Variants in TBC1D8 observed in about 807,000 individuals in gnomAD.
TBC1D8 encodes TBC1 domain family member 8, also known as BUB2-like protein 1.
A neutral mutation model predicts 118.8 loss-of-function variants in TBC1D8; 65 were observed. The observed-to-expected ratio is 0.55, with a 90% confidence interval of 0.45 to 0.67. The LOEUF is 0.67. Ranked by LOEUF, TBC1D8 falls within the 30% of genes least tolerant of loss-of-function variation. TBC1D8 has a pLI of 0.00. For missense variants in TBC1D8, 1,376 were observed against 1,471.2 expected (o/e 0.94, Z 1.06); for synonymous variants, 566 against 595.8 (o/e 0.95, Z 0.73).
At chr2:101,018,402 A>G (rs935701956) in intron 17 of TBC1D8, 2 of 157,118 alleles carry the variant, frequency 1.3e-5, no homozygotes, top group Non-Finnish European at 2.8e-5. Context: ...CCAACTGCAA[A>G]TTGGAATTAT....
At chr2:101,032,066 G>T (rs1208586585) in intron 11 of TBC1D8, among the ~76,000 whole-genome samples, 1 of 152,204 alleles carries the variant, frequency 6.6e-6, no homozygotes, top group Non-Finnish European at 1.5e-5. Context: ...ATGTGTTTGA[G>T]TTTCTTTATT....
Position 101,028,112 on chromosome 2 carries a change from T to TG in TBC1D8, c.2386dup (p.His796ProfsTer35), listed in dbSNP as rs1242594440. On this transcript the variant is annotated frameshift_variant, in exon 14 of 20. Transcript: ENST00000409318. LOFTEE classifies it high-confidence loss of function. Reference sequence around the variant, plus strand: ...CCTGATCCTGTGCTTGTAACGTAGGTGCTCGATCTGCTCCACAGACTGGTC... The same window carrying TG: ...CCTGATCCTGTGCTTGTAACGTAGGTGGCTCGATCTGCTCCACAGACTGGTC... 1 of 1,613,896 alleles carries TG rather than the reference T, an allele frequency of 6.2e-7. No homozygotes were observed. The highest frequency in any genetic ancestry group is 2.2e-5 in the East Asian group (1 of 44,868).
rs552431699 is a variant in TBC1D8, at chr2:101,079,622, CA to C, written c.283+10586del. Among the ~76,000 whole-genome samples the C allele has an allele frequency of 9.2e-5, 14 of 151,360 alleles. 1 individual carries two copies. Among genetic ancestry groups the C allele is most frequent in the Middle Eastern group, 3.4e-3 (1 of 292 alleles). On this transcript the variant is annotated intron_variant, in intron 2 of 19. Transcript: ENST00000409318. Reference sequence around the variant, plus strand: ...AACTCTTGGCCTCAAGTGACCCTTCCACCTCAGCCTCTCAAAGTGCTGGAAT... The same window carrying C: ...AACTCTTGGCCTCAAGTGACCCTTCCCCTCAGCCTCTCAAAGTGCTGGAAT...
intron 15 of TBC1D8, chr2:101,023,742 G>T (rs2105378962): frequency 6.0e-6 from 2 of 331,706 alleles, no homozygotes; most frequent in South Asian, 2.4e-5. Flanking sequence ...CATACTAAAT[G>T]ACTACATCAT....
intron 17 of TBC1D8, chr2:101,018,209 C>T (rs1427042929): frequency 6.8e-6 from 2 of 295,300 alleles, no homozygotes. Flanking sequence ...ATAACACTGA[C>T]TAAACATCAC....
At chr2:101,088,080 T>C (rs530647046) in intron 2 of TBC1D8, among the ~76,000 whole-genome samples, 6 of 152,354 alleles carry the variant, frequency 3.9e-5, no homozygotes, top group African/African-American at 1.4e-4. Flanking sequence ...ACTTTTGTTA[T>C]AAAACCACTG....
chr2:101,050,984 T>C (rs1682035482), intron 4 of TBC1D8, among the ~76,000 whole-genome samples: 1 of 152,192 alleles, frequency 6.6e-6, no homozygotes, highest in Non-Finnish European at 1.5e-5. Context: ...ATCATTTAGC[T>C]CCCACTTCTA....
At chr2:101,050,257 G>A (rs775432434) in intron 5 of TBC1D8, 144 bp downstream of exon 5, 65 of 1,216,740 alleles carry the variant, frequency 5.3e-5, no homozygotes, top group African/African-American at 1.1e-4. Context: ...CGAGATTAAC[G>A]ACATACAAAA....
Position 101,022,356 on chromosome 2 carries a change from C to G in TBC1D8, c.2686G>C (p.Ala896Pro), listed in dbSNP as rs572578268. The G allele has an allele frequency of 1.4e-5, 23 of 1,612,304 alleles. No homozygotes were observed. Among genetic ancestry groups the G allele is most frequent in the Non-Finnish European group, 1.9e-5 (23 of 1,179,506 alleles). Residue 896 changes from alanine (A) to proline (P), a missense_variant, in exon 16 of 20, where the codon GCC (alanine) becomes CCC (proline). Ala to Pro is a conservative substitution (Grantham distance 27, BLOSUM62 -1). Coordinates refer to ENST00000409318, the MANE Select transcript of TBC1D8 (RefSeq NM_001330348.2). Reference sequence around the variant, plus strand: ...TCCAAGAGCCTGAACGTCCTTTCGGCGAGGATCTCCGTGTGGGCCCCGCAG... The same window carrying G: ...TCCAAGAGCCTGAACGTCCTTTCGGGGAGGATCTCCGTGTGGGCCCCGCAG... ...WTCGAHTEIL[A>P]ERTFRLLDDN...
At chr2:101,022,230 C>T in intron 16 of TBC1D8, 51 bp downstream of exon 16, 6 of 1,610,816 alleles carry the variant, frequency 3.7e-6, no homozygotes, top group Non-Finnish European at 5.1e-6. Flanking sequence ...GTGTTCTGCT[C>T]ACAGACCCAC....
intron 1 of TBC1D8, among the ~76,000 whole-genome samples, chr2:101,137,941 TAAAGA>T (rs1678928579): frequency 6.6e-6 from 1 of 152,176 alleles, no homozygotes; most frequent in African/African-American, 2.4e-5. Flanking sequence ...GGGTAATTTC[TAAAGA>T]AAAGAGGTTT....
intron 2 of TBC1D8, among the ~76,000 whole-genome samples, chr2:101,062,315 A>C (rs1212676287): frequency 1.3e-5 from 2 of 152,198 alleles, no homozygotes; most frequent in East Asian, 3.8e-4. Context: ...GAAAAAAAAA[A>C]AACAAGTGAA....
At chr2:101,087,223 G>A (rs562070580) in intron 2 of TBC1D8, among the ~76,000 whole-genome samples, 3 of 152,318 alleles carry the variant, frequency 2.0e-5, no homozygotes, top group Admixed American at 1.3e-4. Context: ...CCCAGCCAAA[G>A]TGTCACTCAA....
intron 2 of TBC1D8, among the ~76,000 whole-genome samples, chr2:101,078,788 A>T (rs1052028101): frequency 2.7e-5 from 4 of 149,692 alleles, no homozygotes; most frequent in Non-Finnish European, 4.4e-5. Context: ...ACAAATATGG[A>T]TAACTAACTC....
rs369998854 is a variant in TBC1D8, at chr2:101,008,553, G to A, written c.3016-280C>T. Among the ~76,000 whole-genome samples the A allele has an allele frequency of 3.3e-4, 51 of 152,250 alleles. No homozygotes were observed. The East Asian group carries it at 6.0e-3, about 18-fold the overall frequency. On this transcript the variant is annotated intron_variant, in intron 19 of 19. Transcript: ENST00000409318. ...CAGCAGGCTGGGCACAGTGGCTCCCGCCTGTAATCCCAGCACTGTGGGAGG... is the reference window on the plus strand; with the variant it reads ...CAGCAGGCTGGGCACAGTGGCTCCCACCTGTAATCCCAGCACTGTGGGAGG...
chr2:101,013,440 G>A (rs189356133), intron 17 of TBC1D8, among the ~76,000 whole-genome samples: 16 of 152,276 alleles, frequency 1.1e-4, no homozygotes, highest in East Asian at 5.8e-4. Context: ...TAATTCAAGC[G>A]TCTAAATGGA....
chr2:101,101,487 G>A (rs1676832346), intron 1 of TBC1D8, among the ~76,000 whole-genome samples: 2 of 152,168 alleles, frequency 1.3e-5, no homozygotes, highest in Admixed American at 6.5e-5. Context: ...AAGACAGTAT[G>A]GCAATTCCTC....
At chr2:101,026,487 AGTCACTGACTGCG>A (rs1680343006) in intron 15 of TBC1D8, among the ~76,000 whole-genome samples, 1 of 152,212 alleles carries the variant, frequency 6.6e-6, no homozygotes, top group Non-Finnish European at 1.5e-5. Flanking sequence ...ACAACCCTGC[AGTCACTGACTGCG>A]GGGAAAGGCC....
intron 2 of TBC1D8, among the ~76,000 whole-genome samples, chr2:101,086,812 G>A (rs1675660705): frequency 6.6e-6 from 1 of 152,106 alleles, no homozygotes; most frequent in African/African-American, 2.4e-5. Flanking sequence ...TTGACATGGA[G>A]TCTGACTCTG....
Sources: gnomAD v4.1 joint callset for allele counts (sites outside exome capture counted in the v4.1 genomes callset) on GRCh38, gnomAD v4.1.1 for gene constraint, MANE v1.5 for transcripts, NCBI Gene and HGNC (gene_info 2026-07-23, HGNC 2026-07-21) for gene names.